Variants in BANK1 observed in about 807,000 individuals in gnomAD.
BANK1 encodes the protein B cell scaffold protein with ankyrin repeats 1.
Under a neutral mutation model 94.5 loss-of-function variants are expected in BANK1, and 95 were observed. The ratio of observed to expected loss-of-function variants is 1.00; its 90% CI spans 0.85 to 1.19. The LOEUF is 1.19. BANK1 is among the 50% of genes most tolerant of loss of function. BANK1 has a pLI of 0.00. For synonymous variants in BANK1, 334 were observed against 308.4 expected (o/e 1.08, Z -0.87); for missense variants, 987 against 932.2 (o/e 1.06, Z -0.77).
chr4:101,871,013 T>C (rs1728266155), intron 5 of BANK1, among the ~76,000 whole-genome samples: 1 of 152,142 alleles, frequency 6.6e-6, no homozygotes, highest in Non-Finnish European at 1.5e-5. Context: ...TCTAATCATC[T>C]GTCTCATGCT....
rs185808320 is a variant in BANK1, at chr4:101,859,529, A to G, written c.625-2997A>G. Among the ~76,000 whole-genome samples, 11 of 152,320 alleles carry G rather than the reference A, an allele frequency of 7.2e-5. No homozygotes were observed. The South Asian group carries it at 1.5e-3, about 20-fold the overall frequency. On this transcript the variant is annotated intron_variant, in intron 3 of 16. Coordinates refer to ENST00000322953, the MANE Select transcript of BANK1 (RefSeq NM_017935.5). ...GCTCTGACCTAAATAAGGGATTCAC[A>G]GAGGAGTCAGAAAGATTGGGAGCAA...
At chr4:101,862,487 T>C in intron 3 of BANK1, 39 bp from the exon 4 acceptor site, 1 of 1,553,696 alleles carries the variant, frequency 6.4e-7, no homozygotes, top group South Asian at 1.2e-5. Context: ...AATGTAAACT[T>C]TTCCAAATGC....
At chr4:101,937,412 A>C (rs1560642293) in intron 7 of BANK1, among the ~76,000 whole-genome samples, 1 of 151,970 alleles carries the variant, frequency 6.6e-6, no homozygotes, top group Non-Finnish European at 1.5e-5. Context: ...AAACAACTCC[A>C]TCGAAAAGTG....
Position 102,074,712 on chromosome 4 carries a change from C to A in BANK1, c.*713C>A, listed in dbSNP as rs1728866849. 6.6e-6 allele frequency: 1 copy of A among 151,704 alleles called. No homozygotes were observed. The highest frequency in any genetic ancestry group is 6.6e-5 in the Admixed American group (1 of 15,166). The allele number at this position is 151,704 out of a possible 1,614,324, so 9.4% of individuals were successfully genotyped here. On this transcript the variant is annotated 3_prime_UTR_variant, in exon 17 of 17. Transcript: ENST00000322953. ...GTCATATAATTTTCATGTACAAATG[C>A]CACAAATAAATTGAATGTTTAAAGC...
intron 6 of BANK1, among the ~76,000 whole-genome samples, chr4:101,899,759 AT>A (rs1360363511): frequency 2.6e-5 from 4 of 152,190 alleles, no homozygotes; most frequent in Admixed American, 2.6e-4. Context: ...CAGGATGAGA[AT>A]TTGGCCTTCG....
chr4:101,903,348 G>A (rs937015004), intron 6 of BANK1, among the ~76,000 whole-genome samples: 1 of 152,042 alleles, frequency 6.6e-6, no homozygotes, highest in Non-Finnish European at 1.5e-5. Context: ...TTCATGAGAG[G>A]GACAATAATT....
chr4:102,000,888 A>G (rs1213602270), intron 7 of BANK1, among the ~76,000 whole-genome samples: 1 of 152,226 alleles, frequency 6.6e-6, no homozygotes, highest in East Asian at 1.9e-4. Context: ...GGTGTTGCTT[A>G]TAAGTGACCT....
chr4:101,797,898 G>A (rs1179137938), intron 1 of BANK1, among the ~76,000 whole-genome samples: 1 of 152,176 alleles, frequency 6.6e-6, no homozygotes, highest in Admixed American at 6.5e-5. Flanking sequence ...CTACAACAAT[G>A]AATAGGATAA....
chr4:101,984,063 G>C (rs143359102), intron 7 of BANK1, among the ~76,000 whole-genome samples: 7 of 152,112 alleles, frequency 4.6e-5, no homozygotes, highest in Non-Finnish European at 1.0e-4. Flanking sequence ...TATCAGATAT[G>C]AAATGCATCT....
At chr4:102,052,030 C>A (rs1273579304) in intron 11 of BANK1, among the ~76,000 whole-genome samples, 1 of 151,896 alleles carries the variant, frequency 6.6e-6, no homozygotes, top group Admixed American at 6.6e-5. Flanking sequence ...AGGAATTTGA[C>A]CTGAACACAA....
intron 1 of BANK1, among the ~76,000 whole-genome samples, chr4:101,814,213 A>G (rs1332231706): frequency 1.3e-5 from 2 of 152,334 alleles, no homozygotes; most frequent in African/African-American, 4.8e-5. Flanking sequence ...CCTAACTTAC[A>G]TGCTTTAGTA....
chr4:101,817,625 A>C (rs1725965754), intron 1 of BANK1, among the ~76,000 whole-genome samples: 2 of 152,128 alleles, frequency 1.3e-5, no homozygotes, highest in Non-Finnish European at 2.9e-5. Flanking sequence ...GCAGCAAACC[A>C]TCATGGCACA....
At chr4:101,962,522 A>T (rs1724605786) in intron 7 of BANK1, among the ~76,000 whole-genome samples, 1 of 152,144 alleles carries the variant, frequency 6.6e-6, no homozygotes, top group South Asian at 2.1e-4. Context: ...TAACAAATTC[A>T]TCAGTCTGTT....
intron 1 of BANK1, among the ~76,000 whole-genome samples, chr4:101,794,326 T>A (rs1172646765): frequency 6.6e-6 from 1 of 152,078 alleles, no homozygotes; most frequent in East Asian, 1.9e-4. Context: ...TACCAAAATA[T>A]TTACTACTGG....
chr4:101,981,614 A>G (rs1175591262), intron 7 of BANK1, among the ~76,000 whole-genome samples: 1 of 152,152 alleles, frequency 6.6e-6, no homozygotes, highest in African/African-American at 2.4e-5. Flanking sequence ...GGCACATTTT[A>G]GTAACACTGG....
chr4:101,953,021 C>A (rs1403961108), intron 7 of BANK1, among the ~76,000 whole-genome samples: 1 of 152,110 alleles, frequency 6.6e-6, no homozygotes, highest in African/African-American at 2.4e-5. Flanking sequence ...TTGCCGACAT[C>A]TGCACCAATA....
chr4:101,846,227 A>G (rs1467925172), intron 2 of BANK1, among the ~76,000 whole-genome samples: 1 of 152,240 alleles, frequency 6.6e-6, no homozygotes, highest in Non-Finnish European at 1.5e-5. Flanking sequence ...CATATATACC[A>G]TGGAATACTA....
At chr4:101,983,666 C>G (rs1261129837) in intron 7 of BANK1, among the ~76,000 whole-genome samples, 3 of 151,928 alleles carry the variant, frequency 2.0e-5, no homozygotes, top group Non-Finnish European at 4.4e-5. Context: ...TTAAAAGAAA[C>G]AAATGGACCT....
chr4:101,837,930 T>G (rs1425949457), intron 2 of BANK1, among the ~76,000 whole-genome samples: 3 of 139,398 alleles, frequency 2.2e-5, no homozygotes, highest in African/African-American at 7.9e-5. Flanking sequence ...CCTTTCCCTC[T>G]TCTCTCTCCC....
Sources: gnomAD v4.1 joint callset for allele counts (sites outside exome capture counted in the v4.1 genomes callset) on GRCh38, gnomAD v4.1.1 for gene constraint, MANE v1.5 for transcripts, NCBI Gene and HGNC (gene_info 2026-07-23, HGNC 2026-07-21) for gene names.